TRAPPC9: variants seen among roughly 807,000 people sequenced by gnomAD.
TRAPPC9 encodes IKK2 binding protein.
In TRAPPC9, 83 loss-of-function variants were observed where a neutral mutation model predicts 124.0. That is an observed-to-expected ratio of 0.67 (90% confidence interval 0.56 to 0.80). The LOEUF is 0.80. Among genes scored for constraint, TRAPPC9 ranks in the 30% least tolerant of loss-of-function variants. The probability of loss-of-function intolerance (pLI) is 0.00; values close to 1 mark genes in which losing one functional copy is unlikely to be tolerated. For missense variants in TRAPPC9, 1,302 were observed against 1,508.3 expected (o/e 0.86, Z 2.27); for synonymous variants, 638 against 617.5 (o/e 1.03, Z -0.49).
intron 19 of TRAPPC9, chr8:139,933,315 A>G (rs556305393): frequency 2.6e-5 from 4 of 152,400 alleles, no homozygotes; most frequent in South Asian, 2.1e-4. Context: ...GAATGAATCA[A>G]TGAGTATGGA....
intron 21 of TRAPPC9, among the ~76,000 whole-genome samples, chr8:139,863,887 A>C (rs1001354391): frequency 6.6e-6 from 1 of 152,192 alleles, no homozygotes; most frequent in Non-Finnish European, 1.5e-5. Context: ...CAGGCTGGAA[A>C]ACAGAGTGCA....
chr8:140,203,795 AAG>A (rs2062851133), intron 17 of TRAPPC9, among the ~76,000 whole-genome samples: 1 of 152,190 alleles, frequency 6.6e-6, no homozygotes, highest in Admixed American at 6.5e-5. Flanking sequence ...CTTTCTAAGG[AAG>A]AGTCTGCAGA....
At chr8:140,240,594 T>A (rs1481604721) in intron 16 of TRAPPC9, among the ~76,000 whole-genome samples, 1 of 152,144 alleles carries the variant, frequency 6.6e-6, no homozygotes, top group Non-Finnish European at 1.5e-5. Flanking sequence ...ATTTTTTGAG[T>A]CAGGGTCTCA....
intron 17 of TRAPPC9, among the ~76,000 whole-genome samples, chr8:140,125,032 C>A (rs1434251990): frequency 1.3e-5 from 2 of 152,198 alleles, no homozygotes; most frequent in Non-Finnish European, 2.9e-5. Flanking sequence ...CAGATAAAAC[C>A]CGGACACTGC....
At chr8:139,841,750 A>T (rs61050684) in intron 21 of TRAPPC9, among the ~76,000 whole-genome samples, 21,613 of 152,064 alleles carry the variant, frequency 0.14, 1,837 homozygotes, top group African/African-American at 0.24. Context: ...GGCCCTGCCC[A>T]CTCACGAGGA....
chr8:139,829,745 C>T (rs931243452), intron 21 of TRAPPC9, among the ~76,000 whole-genome samples: 16 of 152,178 alleles, frequency 1.1e-4, no homozygotes, highest in African/African-American at 3.9e-4. Context: ...AGGTAAGGGA[C>T]GAAAAATGCA....
intron 21 of TRAPPC9, among the ~76,000 whole-genome samples, chr8:139,822,828 C>T (rs1825344835): frequency 6.6e-6 from 1 of 152,354 alleles, no homozygotes; most frequent in South Asian, 2.1e-4. Flanking sequence ...TCAGTTCAGG[C>T]AACTGTCACA....
intron 20 of TRAPPC9, among the ~76,000 whole-genome samples, chr8:139,905,422 G>T (rs1831292247): frequency 6.6e-6 from 1 of 152,224 alleles, no homozygotes; most frequent in South Asian, 2.1e-4. Flanking sequence ...CTCCAACCTG[G>T]CGTGTGCGTG....
chr8:140,224,388 T>A (rs914116492), intron 16 of TRAPPC9, among the ~76,000 whole-genome samples: 2 of 152,172 alleles, frequency 1.3e-5, no homozygotes, highest in African/African-American at 4.8e-5. Context: ...AAACATCCCC[T>A]AGAGGTGCCT....
intron 21 of TRAPPC9, among the ~76,000 whole-genome samples, chr8:139,824,848 C>T (rs1246820540): frequency 6.6e-6 from 1 of 152,208 alleles, no homozygotes; most frequent in African/African-American, 2.4e-5. Context: ...TAGGTGTGAG[C>T]CACTGTGCCT....
chr8:140,018,470 C>A (rs565318172), intron 18 of TRAPPC9, among the ~76,000 whole-genome samples: 8 of 151,812 alleles, frequency 5.3e-5, no homozygotes, highest in Non-Finnish European at 8.8e-5. Context: ...ACTACAGGTG[C>A]CCACCACCAC....
At chr8:140,144,974 T>C (rs1276469743) in intron 17 of TRAPPC9, among the ~76,000 whole-genome samples, 2 of 151,848 alleles carry the variant, frequency 1.3e-5, no homozygotes, top group Non-Finnish European at 2.9e-5. Context: ...CACGGGTTCA[T>C]GTGATTCTCC....
At chr8:140,014,732 T>A (rs1464736656) in intron 18 of TRAPPC9, among the ~76,000 whole-genome samples, 1 of 152,028 alleles carries the variant, frequency 6.6e-6, no homozygotes, top group Non-Finnish European at 1.5e-5. Context: ...GGTCTGGGTG[T>A]CCCCAAGGCC....
At chr8:140,188,968 G>A (rs58025886) in intron 17 of TRAPPC9, among the ~76,000 whole-genome samples, 13,099 of 148,652 alleles carry the variant, frequency 0.088, 1,433 homozygotes, top group African/African-American at 0.26. Flanking sequence ...CCCTCCTCCC[G>A]TTGTTTCTAA....
intron 21 of TRAPPC9, among the ~76,000 whole-genome samples, chr8:139,813,838 G>T (rs188171480): frequency 1.3e-5 from 2 of 152,186 alleles, no homozygotes; most frequent in Non-Finnish European, 2.9e-5. Context: ...TGGTGACAGC[G>T]CCAGGGCAGA....
At chr8:139,858,043 C>G (rs879936754) in intron 21 of TRAPPC9, among the ~76,000 whole-genome samples, 1 of 152,152 alleles carries the variant, frequency 6.6e-6, no homozygotes. Flanking sequence ...AAAGGCTACT[C>G]GAAGGAACCT....
At chr8:139,817,208 A>C (rs1824905444) in intron 21 of TRAPPC9, among the ~76,000 whole-genome samples, 1 of 152,100 alleles carries the variant, frequency 6.6e-6, no homozygotes, top group African/African-American at 2.4e-5. Flanking sequence ...ATCTGGAGTT[A>C]AGTCAATGAG....
At chr8:140,153,674 ACTCATCAAATCAATC>A (rs1368940778) in intron 17 of TRAPPC9, among the ~76,000 whole-genome samples, 4 of 152,160 alleles carry the variant, frequency 2.6e-5, no homozygotes, top group African/African-American at 9.7e-5. Flanking sequence ...TAAATGAATG[ACTCATCAAATCAATC>A]CTTCACTTGA....
At chr8:139,985,153 A>G (rs1254953257) in intron 19 of TRAPPC9, among the ~76,000 whole-genome samples, 2 of 152,246 alleles carry the variant, frequency 1.3e-5, no homozygotes. Context: ...CAAAAACTTA[A>G]TAACAAAAAA....
Sources: gnomAD v4.1 joint callset for allele counts (sites outside exome capture counted in the v4.1 genomes callset) on GRCh38, gnomAD v4.1.1 for gene constraint, MANE v1.5 for transcripts, NCBI Gene and HGNC (gene_info 2026-07-23, HGNC 2026-07-21) for gene names.